CCDC125: variants seen among roughly 807,000 people sequenced by gnomAD.
CCDC125 encodes coiled-coil domain-containing protein 125.
In CCDC125, 43 loss-of-function variants were observed where a neutral mutation model predicts 57.4. The observed-to-expected ratio is 0.75, with a 90% CI of 0.59 to 0.97. The LOEUF (loss-of-function observed/expected upper bound fraction) is 0.97, where lower values mean the gene tolerates loss of function less well. CCDC125 is among the 50% of genes least tolerant of loss of function. CCDC125 has a pLI of 0.00. For missense variants in CCDC125, 563 were observed against 595.7 expected (o/e 0.95, Z 0.57); for synonymous variants, 187 against 195.2 (o/e 0.96, Z 0.35).
intron 6 of CCDC125, among the ~76,000 whole-genome samples, chr5:69,304,714 T>C (rs1381173353): frequency 1.3e-5 from 2 of 152,144 alleles, no homozygotes; most frequent in Non-Finnish European, 2.9e-5. Context: ...CGTGAGCCAC[T>C]GCGCCTGGAC....
rs184774002 is a variant in CCDC125, at chr5:69,320,076, G to A, written c.304+161C>T. Among the ~76,000 whole-genome samples, 270 of 152,142 alleles carry A rather than the reference G, an allele frequency of 1.8e-3. 1 individual carries two copies. Among genetic ancestry groups the A allele is most frequent in the African/African-American group, 4.9e-3 (203 of 41,518 alleles). On this transcript the variant is annotated intron_variant, in intron 2 of 11. Coordinates refer to ENST00000396496, the MANE Select transcript of CCDC125 (RefSeq NM_176816.5). ...GTGGAGGTTGCAGTGAGCCGAGATC[G>A]CGTGCCACTGCACTCCAGCCTGGGT...
At chr5:69,279,377 T>C (rs928051528), downstream of CCDC125, among the ~76,000 whole-genome samples, 5 of 152,134 alleles carry the variant, frequency 3.3e-5, no homozygotes, top group East Asian at 1.9e-4. Context: ...TTTGTATTTT[T>C]AGTAGAGACG....
At chr5:69,314,144 T>G (rs1182172334) in intron 2 of CCDC125, 98 bp from the exon 3 acceptor site, 2 of 840,546 alleles carry the variant, frequency 2.4e-6, no homozygotes, top group Non-Finnish European at 3.9e-6. Flanking sequence ...CAAATACAGG[T>G]ATCCCCTAAA....
At chr5:69,312,771 A>C (rs1758365783) in intron 3 of CCDC125, among the ~76,000 whole-genome samples, 1 of 152,224 alleles carries the variant, frequency 6.6e-6, no homozygotes, top group African/African-American at 2.4e-5. Context: ...GTTCAGCAAG[A>C]ATGTCTGGAA....
intron 2 of CCDC125, among the ~76,000 whole-genome samples, chr5:69,318,357 G>C (rs1437938844): frequency 6.6e-6 from 1 of 152,002 alleles, no homozygotes; most frequent in Non-Finnish European, 1.5e-5. Context: ...TGAGGCAAGA[G>C]GATTGCTTAA....
In CCDC125 at chr5:69,282,992, T is replaced by C; in HGVS notation, c.1273A>G (p.Ser425Gly). ...TCCAATGCCCGAGCAAGCATGTAGC[T>C]AACTTTTCTTTGATGAGCCAAAGCT... Reference protein sequence around the residue: ...EEALAHQRKVSYMLARALEDK... With the variant: ...EEALAHQRKVGYMLARALEDK... Residue 425 changes from serine (S) to glycine (G), a missense_variant, in exon 12 of 12, where the codon AGC (serine) becomes GGC (glycine). By Grantham distance (56) the Ser-to-Gly change is moderately conservative. Transcript: ENST00000396496. 1 of 1,606,420 alleles carries C rather than the reference T, an allele frequency of 6.2e-7. No individual in the cohort carries two copies. Among genetic ancestry groups the C allele is most frequent in the African/African-American group, 1.3e-5 (1 of 74,492 alleles).
chr5:69,278,627 G>A (rs1752317111), downstream of CCDC125, among the ~76,000 whole-genome samples: 1 of 151,248 alleles, frequency 6.6e-6, no homozygotes, highest in African/African-American at 2.4e-5. Flanking sequence ...AAGAGTGCAT[G>A]TAGTGAGATG....
intron 10 of CCDC125, among the ~76,000 whole-genome samples, chr5:69,289,966 A>C (rs1269233752): frequency 1.3e-5 from 2 of 152,074 alleles, no homozygotes; most frequent in Non-Finnish European, 2.9e-5. Flanking sequence ...TAATTTCAAG[A>C]AAATATGAAT....
chr5:69,314,106 A>T (rs968149611), intron 2 of CCDC125, 60 bp from the exon 3 acceptor site: 3 of 1,137,002 alleles, frequency 2.6e-6, no homozygotes, highest in Non-Finnish European at 4.0e-6. Context: ...TTAACTAATT[A>T]AACATAGGAC....
At chr5:69,302,483 T>G (rs575304145) in intron 7 of CCDC125, among the ~76,000 whole-genome samples, 24 of 147,796 alleles carry the variant, frequency 1.6e-4, no homozygotes, top group Non-Finnish European at 3.3e-4. Flanking sequence ...CCCAGCACTT[T>G]GGGAGGCTGA....
chr5:69,282,980 C>T lies in CCDC125; in HGVS notation c.1285G>A (p.Ala429Thr). ...AHQRKVSYML[A>T]RALEDKDTAS... ...GTGTCTTTGTCTTCCAATGCCCGAG[C>T]AAGCATGTAGCTAACTTTTCTTTGA... is the stretch of plus-strand genomic sequence containing the variant. The change falls in exon 12 of 12, where the codon GCT (alanine) becomes ACT (threonine). Residue 429 changes from alanine to threonine, a missense_variant. By Grantham distance (58) the Ala-to-Thr change is moderately conservative. Coordinates refer to ENST00000396496, the MANE Select transcript of CCDC125 (RefSeq NM_176816.5). 6.2e-7 allele frequency: 1 copy of T among 1,611,954 alleles called. No individual in the cohort carries two copies.
At chr5:69,320,620 G>T (rs1759875974) in intron 1 of CCDC125, 40 bp from the exon 2 acceptor site, 5 of 892,008 alleles carry the variant, frequency 5.6e-6, no homozygotes, top group Admixed American at 4.7e-5. Context: ...AACATCAGTA[G>T]ATCCAGCAAC....
intron 7 of CCDC125, among the ~76,000 whole-genome samples, chr5:69,300,956 A>G (rs1756321637): frequency 6.6e-6 from 1 of 150,900 alleles, no homozygotes; most frequent in Non-Finnish European, 1.5e-5. Context: ...CAGTGGTCCA[A>G]TCATAGCTCA....
intron 9 of CCDC125, among the ~76,000 whole-genome samples, chr5:69,292,695 C>G (rs1220170819): frequency 3.9e-5 from 6 of 152,136 alleles, no homozygotes; most frequent in African/African-American, 1.4e-4. Flanking sequence ...ATACCAAAGG[C>G]TGCATTTCAA....
chr5:69,296,800 T>TA (rs1755392806), intron 8 of CCDC125, among the ~76,000 whole-genome samples: 1 of 151,018 alleles, frequency 6.6e-6, no homozygotes, highest in African/African-American at 2.4e-5. Flanking sequence ...CTGTCTCTAC[T>TA]AAAAAATATA....
At chr5:69,277,211 A>G, downstream of CCDC125, 1 of 1,057,742 alleles carries the variant, frequency 9.5e-7, no homozygotes, top group East Asian at 2.5e-5. Flanking sequence ...GTAAACATTA[A>G]GTAAATGCTG....
downstream of CCDC125, among the ~76,000 whole-genome samples, chr5:69,275,192 AAG>A (rs1354967457): frequency 6.6e-6 from 1 of 152,200 alleles, no homozygotes; most frequent in African/African-American, 2.4e-5. Context: ...GGGGGAAAAA[AAG>A]AGAAAATGTA....
At chr5:69,288,770 G>A (rs548979478) in intron 10 of CCDC125, among the ~76,000 whole-genome samples, 8 of 152,158 alleles carry the variant, frequency 5.3e-5, no homozygotes, top group Non-Finnish European at 1.0e-4. Flanking sequence ...CATCTTGTGG[G>A]ACTGAGCCTT....
Position 69,282,754 on chromosome 5 carries a change from GA to G in CCDC125, c.1510del (p.Ser504LeufsTer37). 6.3e-7 allele frequency: 1 copy of G among 1,599,496 alleles called. No homozygotes were observed. Among genetic ancestry groups the G allele is most frequent in the Non-Finnish European group, 8.5e-7 (1 of 1,174,756 alleles). On this transcript the variant is annotated frameshift_variant, in exon 12 of 12. Transcript: ENST00000396496. LOFTEE classifies it high-confidence loss of function. ...TTAAAATATGATACTTGATGGCAAA[GA>G]ATGGGATCTTTTAAGAGTTCTATAG... Reference protein sequence around the residue: ...PNYRTLKRSHSLPSSIIF With the variant: ...PNYRTLKRSHXLPSSIIF
Sources: gnomAD v4.1 joint callset for allele counts (sites outside exome capture counted in the v4.1 genomes callset) on GRCh38, gnomAD v4.1.1 for gene constraint, MANE v1.5 for transcripts, NCBI Gene and HGNC (gene_info 2026-07-23, HGNC 2026-07-21) for gene names.